Variants in ESRRG observed in about 807,000 individuals in gnomAD.
ESRRG encodes the protein estrogen-related receptor gamma.
A neutral mutation model predicts 44.0 loss-of-function variants in ESRRG; 13 were observed. The observed-to-expected ratio is 0.30, with a 90% CI of 0.19 to 0.47. The LOEUF is 0.47. Among genes scored for constraint, ESRRG ranks in the 20% least tolerant of loss-of-function variants. ESRRG has a pLI of 1.00. For synonymous variants in ESRRG, 215 were observed against 214.6 expected, an observed-to-expected ratio of 1.00 and a Z score of -0.02; for missense variants, 395 against 580.6, an observed-to-expected ratio of 0.68 and a Z score of 3.29.
At chr1:216,682,775 G>A (rs1217714139) in intron 1 of ESRRG, among the ~76,000 whole-genome samples, 1 of 141,516 alleles carries the variant, frequency 7.1e-6, no homozygotes, top group African/African-American at 2.6e-5. Context: ...CTAGACTAGT[G>A]TTGCAGCTCC....
At chr1:216,817,208 T>C (rs2095166527) in intron 2 of ESRRG, among the ~76,000 whole-genome samples, 1 of 152,188 alleles carries the variant, frequency 6.6e-6, no homozygotes, top group African/African-American at 2.4e-5. Context: ...TTCTCCTTTC[T>C]ACAAATATTG....
intron 2 of ESRRG, among the ~76,000 whole-genome samples, chr1:216,892,214 T>C (rs1428594688): frequency 1.3e-5 from 2 of 152,216 alleles, no homozygotes; most frequent in Non-Finnish European, 2.9e-5. Flanking sequence ...GTGCCCCTTA[T>C]GGCATTCAGA....
At chr1:217,134,022 T>C (rs942156336) in intron 1 of ESRRG, among the ~76,000 whole-genome samples, 2 of 152,100 alleles carry the variant, frequency 1.3e-5, no homozygotes, top group South Asian at 2.1e-4. Flanking sequence ...GCTTTTAACT[T>C]TGCAGTTGAG....
intron 2 of ESRRG, among the ~76,000 whole-genome samples, chr1:216,870,694 G>T (rs941226763): frequency 2.6e-5 from 4 of 151,900 alleles, no homozygotes; most frequent in Non-Finnish European, 2.9e-5. Flanking sequence ...ACAGGTATTG[G>T]TTTGCCTATG....
At chr1:216,515,665 A>C (rs1301579302) in intron 6 of ESRRG, among the ~76,000 whole-genome samples, 1 of 152,036 alleles carries the variant, frequency 6.6e-6, no homozygotes, top group African/African-American at 2.4e-5. Context: ...AGAAAACTTG[A>C]CTTGAAAAAT....
At chr1:216,617,113 A>G (rs1278396237) in intron 3 of ESRRG, among the ~76,000 whole-genome samples, 1 of 152,174 alleles carries the variant, frequency 6.6e-6, no homozygotes, top group Non-Finnish European at 1.5e-5. Context: ...GATGTCAATT[A>G]TAGCTTAACT....
intron 1 of ESRRG, among the ~76,000 whole-genome samples, chr1:217,125,407 C>A (rs1048435809): frequency 2.6e-5 from 4 of 152,180 alleles, no homozygotes; most frequent in Non-Finnish European, 5.9e-5. Context: ...GTGAAGAAAT[C>A]TGTTGAATCC....
rs544279690 is a variant in ESRRG at position 216,938,370 on chromosome 1, A to T, written c.-14+1212T>A. On this transcript the variant is annotated intron_variant, in intron 2 of 7. Transcript: ENST00000359162. ...ATTTAAAACTAAACCGATGCTACGC[A>T]AAACAACAGATGATATCCCAGAATC... Among the ~76,000 whole-genome samples, 6 of 152,300 alleles carry T rather than the reference A, an allele frequency of 3.9e-5. No homozygotes were observed. The East Asian group carries it at 1.2e-3, about 29-fold the overall frequency.
At chr1:216,783,724 G>C (rs571623649) in intron 2 of ESRRG, among the ~76,000 whole-genome samples, 1 of 152,012 alleles carries the variant, frequency 6.6e-6, no homozygotes, top group South Asian at 2.1e-4. Flanking sequence ...CAGTACTGCA[G>C]TAATATCTAG....
At chr1:216,691,199 A>G (rs1179595874) in intron 1 of ESRRG, among the ~76,000 whole-genome samples, 1 of 152,188 alleles carries the variant, frequency 6.6e-6, no homozygotes, top group Admixed American at 6.5e-5. Context: ...ATATAGAATA[A>G]AGAAAAATGC....
At chr1:217,133,092 T>C (rs1020455486) in intron 1 of ESRRG, among the ~76,000 whole-genome samples, 3 of 152,186 alleles carry the variant, frequency 2.0e-5, no homozygotes, top group Non-Finnish European at 4.4e-5. Context: ...CACAGAGGCC[T>C]AGCGCGGGAA....
chr1:216,673,890 G>A (rs2075639118), intron 2 of ESRRG, among the ~76,000 whole-genome samples: 1 of 152,160 alleles, frequency 6.6e-6, no homozygotes, highest in Non-Finnish European at 1.5e-5. Flanking sequence ...TTAATAAAAT[G>A]TGGATAAGAG....
chr1:217,122,049 C>G (rs1027316041), intron 1 of ESRRG, among the ~76,000 whole-genome samples: 4 of 152,200 alleles, frequency 2.6e-5, no homozygotes, highest in Non-Finnish European at 5.9e-5. Flanking sequence ...TAGAGGAAGG[C>G]AGGGAAGCAA....
intron 5 of ESRRG, among the ~76,000 whole-genome samples, chr1:216,553,973 A>T (rs1386393702): frequency 1.3e-5 from 2 of 152,192 alleles, no homozygotes; most frequent in East Asian, 1.9e-4. Flanking sequence ...ACCATTTAGC[A>T]TACAACACAG....
intron 3 of ESRRG, among the ~76,000 whole-genome samples, chr1:216,623,654 C>T (rs1445383245): frequency 6.6e-6 from 1 of 152,038 alleles, no homozygotes; most frequent in South Asian, 2.1e-4. Context: ...AATAACTAGA[C>T]CATGTAGCAC....
chr1:217,048,320 A>G (rs1479333856), intron 1 of ESRRG, among the ~76,000 whole-genome samples: 1 of 152,148 alleles, frequency 6.6e-6, no homozygotes, highest in Admixed American at 6.5e-5. Flanking sequence ...CAGATGGAAC[A>G]CGGAGTCAGA....
intron 2 of ESRRG, among the ~76,000 whole-genome samples, chr1:216,767,509 A>T (rs1470482038): frequency 6.6e-6 from 1 of 152,134 alleles, no homozygotes. Context: ...CAGCTCCATG[A>T]TGTCTGTAAT....
chr1:216,813,317 T>C (rs1004590274), intron 2 of ESRRG, among the ~76,000 whole-genome samples: 2 of 152,134 alleles, frequency 1.3e-5, no homozygotes, highest in Non-Finnish European at 2.9e-5. Context: ...AGTTTCCATA[T>C]GGGAAATGTC....
intron 2 of ESRRG, among the ~76,000 whole-genome samples, chr1:216,842,777 T>A (rs546395721): frequency 6.6e-6 from 1 of 152,334 alleles, no homozygotes; most frequent in African/African-American, 2.4e-5. Context: ...GCTATGACTT[T>A]GATAGTGCAT....
Sources: allele counts gnomAD v4.1 joint callset (sites outside exome capture counted in the v4.1 genomes callset), GRCh38; gene constraint gnomAD v4.1.1; transcripts MANE v1.5; gene names NCBI Gene and HGNC (gene_info 2026-07-23, HGNC 2026-07-21).